COPS5: variants seen among roughly 807,000 people sequenced by gnomAD.
The protein encoded by COPS5 is COP9 signalosome subunit 5, also known as COP9 signalosome complex subunit 5.
Under a neutral mutation model 44.4 loss-of-function variants are expected in COPS5, and 8 were observed. That is an observed-to-expected ratio of 0.18 (90% confidence interval 0.11 to 0.32). The LOEUF is 0.32. COPS5 is among the 10% of genes least tolerant of loss of function. The pLI is 1.00. For missense variants in COPS5, 159 were observed against 406.4 expected (o/e 0.39, Z 5.23); for synonymous variants, 122 against 142.8 (o/e 0.85, Z 1.04).
In COPS5 at chr8:67,061,975, T is replaced by C. The variant is rs1804652455; in HGVS notation, c.22A>G (p.Met8Val). The change falls in exon 1 of 8, where the codon ATG becomes GTG. Residue 8 changes from methionine to valine, a missense_variant. Met to Val is a conservative substitution (Grantham distance 21). Transcript: ENST00000357849. The stretch of plus-strand genomic sequence containing the variant: ...GCCAGTTCCCAGGTTTTCTGGGCCA[T>C]ACCGCTCCCGGACGCCGCCATCGCC... MAASGSGMAQKTWELANN... is the reference protein window; with the variant it reads MAASGSGVAQKTWELANN... 6.2e-7 allele frequency: 1 copy of C among 1,614,244 alleles called. No homozygotes were observed. The highest frequency in any genetic ancestry group is 8.5e-7 in the Non-Finnish European group (1 of 1,180,044).
At position 67,062,014 on chromosome 8, in the gene COPS5, AGT is replaced by A. The variant is rs763858918; in HGVS notation, c.-20_-19del. On this transcript the variant is annotated 5_prime_UTR_variant, in exon 1 of 8. Transcript: ENST00000357849. Reference sequence around the variant, plus strand: ...GCCGCCATCGCCGAGGAAGCGGAGAAGTTGTCGTCTCTACAACCAAGACGCAA... The same window carrying A: ...GCCGCCATCGCCGAGGAAGCGGAGAATGTCGTCTCTACAACCAAGACGCAA... 6.2e-7 allele frequency: 1 copy of A among 1,614,184 alleles called. No homozygotes were observed. Among genetic ancestry groups the A allele is most frequent in the Non-Finnish European group, 8.5e-7 (1 of 1,180,032 alleles).
At position 67,045,730 on chromosome 8, in the gene COPS5, G is replaced by A. The variant is rs1390434437; in HGVS notation, c.920+82C>T. On this transcript the variant is annotated intron_variant, in intron 7 of 7. Transcript: ENST00000357849. ...AAGTTGTAACTAACTTGAGCCATAA[G>A]GAATCTGAATACTACTATTGTTTGC... 4.4e-5 allele frequency: 59 copies of A among 1,351,936 alleles called. 2 individuals are homozygous for A. In the East Asian group the frequency reaches 1.4e-3, roughly 31 times the overall value. The allele number at this position is 1,351,936 out of a possible 1,614,324, so 83.7% of individuals were successfully genotyped here.
intron 1 of COPS5, chr8:67,061,428 A>T (rs893313725): frequency 1.4e-5 from 5 of 366,508 alleles, no homozygotes; most frequent in Admixed American, 3.2e-5. Context: ...CATTTCTATT[A>T]AAAAAAAAAG....
At chr8:67,043,918 T>C (rs1247024595) in intron 7 of COPS5, 3 of 152,238 alleles carry the variant, frequency 2.0e-5, no homozygotes, top group Admixed American at 6.5e-5. Context: ...ATTGAAGACA[T>C]TGCCATAGTA....
In COPS5 at chr8:67,059,191, A is replaced by AT. The variant is rs1804552887; in HGVS notation, c.378+19dup. On this transcript the variant is annotated intron_variant, in intron 2 of 7. Transcript: ENST00000357849. The stretch of plus-strand genomic sequence containing the variant: ...GACTCTAACTTGCAATTACTAAACT[A>AT]TAAGAAACAACATTTTTACCTGTTT... 1.3e-6 allele frequency: 2 copies of AT among 1,590,554 alleles called. No individual in the cohort carries two copies. Among genetic ancestry groups the AT allele is most frequent in the Non-Finnish European group, 1.7e-6 (2 of 1,159,308 alleles).
In COPS5 at chr8:67,061,808, T is replaced by C. The variant is rs746665958; in HGVS notation, c.143+46A>G. The C allele has an allele frequency of 2.5e-6, 4 of 1,603,056 alleles. No homozygotes were observed. The Admixed American group carries it at 6.7e-5, about 27-fold the overall frequency. On this transcript the variant is annotated intron_variant, in intron 1 of 7. Transcript: ENST00000357849. ...CCCTCTCCCTCTGGGTCTCTTAAAC[T>C]CCGCCACCCTTTCCCTCCCCTGCGT...
intron 1 of COPS5, chr8:67,060,611 T>C (rs1585718201): frequency 1.5e-6 from 1 of 681,078 alleles, no homozygotes. Context: ...ACTCTTTTTA[T>C]ACATTATCTC....
intron 4 of COPS5, 33 bp downstream of exon 4, chr8:67,057,347 G>A: frequency 6.9e-7 from 1 of 1,442,282 alleles, no homozygotes. Context: ...GTAACACAGT[G>A]AGACTCTAAC....
intron 5 of COPS5, among the ~76,000 whole-genome samples, chr8:67,052,722 A>C (rs1381203305): frequency 2.0e-5 from 3 of 150,342 alleles, no homozygotes; most frequent in Non-Finnish European, 4.4e-5. Flanking sequence ...TGGGAGACGG[A>C]GGCAGAAGAA....
At chr8:67,051,738 G>A (rs1361714586) in intron 5 of COPS5, among the ~76,000 whole-genome samples, 1 of 152,082 alleles carries the variant, frequency 6.6e-6, no homozygotes, top group African/African-American at 2.4e-5. Context: ...AATGACATGT[G>A]GATTCCATTC....
intron 1 of COPS5, 157 bp downstream of exon 1, chr8:67,061,697 G>T: frequency 1.4e-6 from 1 of 713,620 alleles, no homozygotes; most frequent in Non-Finnish European, 2.4e-6. Flanking sequence ...GAAAGCCCCA[G>T]CGGAGGGCTT....
chr8:67,057,359 C>CT, intron 4 of COPS5, 21 bp downstream of exon 4: 1 of 1,525,626 alleles, frequency 6.6e-7, no homozygotes, highest in Non-Finnish European at 9.0e-7. Context: ...GACTCTAACT[C>CT]TTAAAAAAAA....
intron 6 of COPS5, among the ~76,000 whole-genome samples, chr8:67,050,859 ATT>A (rs1804404125): frequency 6.6e-6 from 1 of 151,968 alleles, no homozygotes; most frequent in African/African-American, 2.4e-5. Flanking sequence ...AACTTACACA[ATT>A]CCCTTTCTTG....
chr8:67,054,767 G>A (rs528507400), intron 5 of COPS5, among the ~76,000 whole-genome samples: 1 of 152,284 alleles, frequency 6.6e-6, no homozygotes, highest in Admixed American at 6.5e-5. Flanking sequence ...GAGGGCAGTA[G>A]ATAATCATTT....
chr8:67,061,457 G>A (rs1284901122), intron 1 of COPS5: 9 of 440,618 alleles, frequency 2.0e-5, no homozygotes, highest in African/African-American at 1.9e-4. Flanking sequence ...ATAGCTCATA[G>A]CTATTTTTGA....
At chr8:67,060,083 C>T (rs1415766346) in intron 1 of COPS5, 1 of 171,428 alleles carries the variant, frequency 5.8e-6, no homozygotes, top group East Asian at 1.6e-4. Flanking sequence ...TCTCAAAGAA[C>T]AGAGTGTTGA....
chr8:67,056,791 C>A (rs1486529985), intron 4 of COPS5, among the ~76,000 whole-genome samples, 187 bp from the exon 5 acceptor site: 16 of 146,220 alleles, frequency 1.1e-4, no homozygotes, highest in African/African-American at 3.8e-4. Flanking sequence ...TTAACATGAG[C>A]ATTCTAATAA....
chr8:67,052,185 C>T (rs1804423855), intron 5 of COPS5, among the ~76,000 whole-genome samples: 1 of 151,994 alleles, frequency 6.6e-6, no homozygotes, highest in Non-Finnish European at 1.5e-5. Flanking sequence ...CCTGAGAAGC[C>T]TCAGGGAAAA....
intron 6 of COPS5, among the ~76,000 whole-genome samples, chr8:67,050,944 T>A (rs895892701): frequency 6.6e-6 from 1 of 151,962 alleles, no homozygotes; most frequent in Non-Finnish European, 1.5e-5. Flanking sequence ...TACACAAAAA[T>A]CAATATGTGT....
Sources: gnomAD v4.1 joint callset for allele counts (sites outside exome capture counted in the v4.1 genomes callset) on GRCh38, gnomAD v4.1.1 for gene constraint, MANE v1.5 for transcripts, NCBI Gene and HGNC (gene_info 2026-07-23, HGNC 2026-07-21) for gene names.